The following FARS2 variants were observed in gnomAD, a reference collection of about 807,000 sequenced individuals.
The protein encoded by FARS2 is phenylalanyl-tRNA synthetase 2, mitochondrial, also known as phenylalanine--tRNA ligase, mitochondrial.
Under a neutral mutation model 46.4 loss-of-function variants are expected in FARS2, and 40 were observed. That is an observed-to-expected ratio of 0.86 (90% confidence interval 0.67 to 1.12). FARS2 has a LOEUF of 1.12. Among genes scored for constraint, FARS2 ranks in the 50% most tolerant of loss-of-function variants. The pLI is 0.00. For synonymous variants in FARS2, 234 were observed against 214.9 expected (o/e 1.09, Z -0.78); for missense variants, 513 against 567.9 (o/e 0.90, Z 0.98).
intron 5 of FARS2, among the ~76,000 whole-genome samples, chr6:5,560,092 T>G (rs1265494376): frequency 6.6e-6 from 1 of 152,138 alleles, no homozygotes; most frequent in Non-Finnish European, 1.5e-5. Flanking sequence ...TTGGAGTAAA[T>G]TGAATTGAGG....
chr6:5,542,927 A>G (rs1009984683), intron 4 of FARS2, among the ~76,000 whole-genome samples: 1 of 152,158 alleles, frequency 6.6e-6, no homozygotes, highest in Non-Finnish European at 1.5e-5. Flanking sequence ...ATTTATTTGC[A>G]TTTGGACATA....
intron 1 of FARS2, among the ~76,000 whole-genome samples, chr6:5,307,351 A>G (rs1768780656): frequency 1.3e-5 from 2 of 152,170 alleles, no homozygotes; most frequent in Non-Finnish European, 2.9e-5. Context: ...AATGGCTCAT[A>G]TATTTTTCCA....
chr6:5,475,154 A>T (rs1191053987), intron 4 of FARS2, among the ~76,000 whole-genome samples: 1 of 152,214 alleles, frequency 6.6e-6, no homozygotes, highest in East Asian at 1.9e-4. Context: ...CTCCGTGGGT[A>T]CTGGGGAAGG....
chr6:5,313,516 G>T (rs185087403), intron 1 of FARS2, among the ~76,000 whole-genome samples: 1 of 152,102 alleles, frequency 6.6e-6, no homozygotes. Flanking sequence ...ATCTTTTCCT[G>T]ATTGGTAACT....
chr6:5,534,768 C>A (rs962405000), intron 4 of FARS2, among the ~76,000 whole-genome samples: 2 of 151,968 alleles, frequency 1.3e-5, no homozygotes, highest in African/African-American at 4.8e-5. Flanking sequence ...TTTAGAGATA[C>A]ACACACAGAG....
At chr6:5,445,827 G>T (rs185322122) in intron 4 of FARS2, among the ~76,000 whole-genome samples, 124 of 152,314 alleles carry the variant, frequency 8.1e-4, no homozygotes, top group Middle Eastern at 3.4e-3. Context: ...TCCATTGGCT[G>T]CTGGGATTGA....
At chr6:5,490,094 C>G (rs971001923) in intron 4 of FARS2, among the ~76,000 whole-genome samples, 4 of 152,134 alleles carry the variant, frequency 2.6e-5, no homozygotes, top group African/African-American at 7.2e-5. Flanking sequence ...CACTGATTTT[C>G]TTTTGTCATT....
chr6:5,722,121 A>AT (rs1759950055), intron 6 of FARS2, among the ~76,000 whole-genome samples: 1 of 152,252 alleles, frequency 6.6e-6, no homozygotes, highest in Non-Finnish European at 1.5e-5. Flanking sequence ...ATGGTAAAAA[A>AT]TGCAGTGACT....
At chr6:5,522,347 G>C (rs909610971) in intron 4 of FARS2, among the ~76,000 whole-genome samples, 4 of 152,216 alleles carry the variant, frequency 2.6e-5, no homozygotes, top group Non-Finnish European at 4.4e-5. Context: ...AGGGGGTTAG[G>C]CCATGCAGCT....
intron 5 of FARS2, among the ~76,000 whole-genome samples, chr6:5,567,650 A>G (rs1772397068): frequency 6.6e-6 from 1 of 152,348 alleles, no homozygotes; most frequent in East Asian, 1.9e-4. Context: ...TAAGGTTCAG[A>G]CAATAGATGG....
intron 5 of FARS2, among the ~76,000 whole-genome samples, chr6:5,568,451 T>C (rs558342323): frequency 1.3e-5 from 2 of 152,326 alleles, no homozygotes; most frequent in African/African-American, 4.8e-5. Context: ...TATAGTTTCC[T>C]GCCTTCAGAT....
intron 1 of FARS2, among the ~76,000 whole-genome samples, chr6:5,365,302 T>C (rs986412463): frequency 6.8e-6 from 1 of 147,684 alleles, no homozygotes; most frequent in Non-Finnish European, 1.5e-5. Flanking sequence ...GACCTTTGAT[T>C]GAGAAGTATA....
In FARS2 at chr6:5,621,740, C is replaced by T. The variant is rs1323127055; in HGVS notation, c.1217+8420C>T. Among the ~76,000 whole-genome samples, 4 of 152,284 alleles carry T rather than the reference C, an allele frequency of 2.6e-5. No individual in the cohort carries two copies. The East Asian group carries it at 5.8e-4, about 22-fold the overall frequency. ...GAAACTCAGCTTCCAAAAACTGTTG[C>T]CAGGATAGACCCACTCATGGTGGGT... On this transcript the variant is annotated intron_variant, in intron 6 of 6. Coordinates refer to ENST00000274680, the MANE Select transcript of FARS2 (RefSeq NM_006567.5).
intron 6 of FARS2, among the ~76,000 whole-genome samples, chr6:5,758,086 C>T (rs921165713): frequency 6.6e-5 from 10 of 152,146 alleles, no homozygotes; most frequent in African/African-American, 2.4e-4. Flanking sequence ...AGACATGTGC[C>T]ATAACTGTGA....
At chr6:5,740,118 A>G (rs536652397) in intron 6 of FARS2, among the ~76,000 whole-genome samples, 71 of 152,166 alleles carry the variant, frequency 4.7e-4, no homozygotes, top group Non-Finnish European at 8.5e-4. Context: ...AAACCACTAC[A>G]TACAGTGGCA....
intron 4 of FARS2, among the ~76,000 whole-genome samples, chr6:5,433,202 C>G (rs1006271159): frequency 6.6e-6 from 1 of 152,096 alleles, no homozygotes; most frequent in African/African-American, 2.4e-5. Context: ...GTTCATCACC[C>G]CACGAGCCTT....
intron 6 of FARS2, among the ~76,000 whole-genome samples, chr6:5,757,799 A>G (rs951585783): frequency 3.9e-5 from 6 of 152,216 alleles, no homozygotes; most frequent in Non-Finnish European, 7.3e-5. Context: ...ATGTGGGTAC[A>G]AGGGCTCTGG....
At chr6:5,283,037 G>C (rs1766847894) in intron 1 of FARS2, among the ~76,000 whole-genome samples, 1 of 151,878 alleles carries the variant, frequency 6.6e-6, no homozygotes, top group Non-Finnish European at 1.5e-5. Flanking sequence ...AGGAGTTCAA[G>C]ACCAGACTGG....
At chr6:5,417,404 T>C (rs1207003589) in intron 3 of FARS2, among the ~76,000 whole-genome samples, 2 of 151,828 alleles carry the variant, frequency 1.3e-5, no homozygotes, top group Non-Finnish European at 2.9e-5. Context: ...AAAAAAAAAA[T>C]TGTAGAGAGA....
Sources: allele counts gnomAD v4.1 joint callset (sites outside exome capture counted in the v4.1 genomes callset), GRCh38; gene constraint gnomAD v4.1.1; transcripts MANE v1.5; gene names NCBI Gene and HGNC (gene_info 2026-07-23, HGNC 2026-07-21).